The following RALYL variants were observed in gnomAD, a reference collection of about 807,000 sequenced individuals.
RALYL encodes RNA-binding Raly-like protein.
A neutral mutation model predicts 35.1 loss-of-function variants in RALYL; 29 were observed. The observed-to-expected ratio is 0.83, with a 90% CI of 0.61 to 1.13. The LOEUF is 1.13. Among genes scored for constraint, RALYL ranks in the 50% most tolerant of loss-of-function variants. The pLI is 0.00. For synonymous variants in RALYL, 120 were observed against 127.6 expected (o/e 0.94, Z 0.40); for missense variants, 359 against 360.4 (o/e 1.00, Z 0.03).
intron 1 of RALYL, among the ~76,000 whole-genome samples, chr8:84,318,877 T>C (rs962787776): frequency 6.6e-6 from 1 of 152,204 alleles, no homozygotes; most frequent in African/African-American, 2.4e-5. Flanking sequence ...AATGAAAGAT[T>C]ATTTATTAAT....
intron 2 of RALYL, among the ~76,000 whole-genome samples, chr8:84,772,948 G>C (rs867495205): frequency 1.3e-5 from 2 of 152,146 alleles, no homozygotes; most frequent in Middle Eastern, 3.4e-3. Context: ...TGAAGCATTA[G>C]GTATAATGTT....
At chr8:84,347,132 C>T (rs1849982326) in intron 1 of RALYL, among the ~76,000 whole-genome samples, 1 of 151,862 alleles carries the variant, frequency 6.6e-6, no homozygotes, top group African/African-American at 2.4e-5. Context: ...ACCTGGGAGG[C>T]AGAGGTTGCA....
intron 2 of RALYL, among the ~76,000 whole-genome samples, chr8:84,714,563 A>G (rs747659841): frequency 7.9e-5 from 12 of 151,924 alleles, no homozygotes; most frequent in Non-Finnish European, 1.6e-4. Context: ...GCAGTTTGAC[A>G]TGACTAAAGA....
intron 1 of RALYL, among the ~76,000 whole-genome samples, chr8:84,527,883 A>T (rs2059013835): frequency 6.6e-6 from 1 of 152,166 alleles, no homozygotes; most frequent in Non-Finnish European, 1.5e-5. Context: ...TTATAAGGAG[A>T]TATTTATAAT....
chr8:84,429,557 A>G (rs2046918808), intron 1 of RALYL, among the ~76,000 whole-genome samples: 1 of 152,068 alleles, frequency 6.6e-6, no homozygotes, highest in Non-Finnish European at 1.5e-5. Flanking sequence ...ACAGATACAT[A>G]TGCATCTCTA....
chr8:84,874,101 G>A (rs760138931), intron 7 of RALYL, among the ~76,000 whole-genome samples: 3 of 152,098 alleles, frequency 2.0e-5, no homozygotes, highest in Admixed American at 1.3e-4. Flanking sequence ...GGCTTTAGAC[G>A]CCTCAGAAGC....
chr8:84,833,043 T>C (rs1035745852), intron 4 of RALYL, among the ~76,000 whole-genome samples: 2 of 152,278 alleles, frequency 1.3e-5, no homozygotes, highest in Non-Finnish European at 2.9e-5. Flanking sequence ...CTTTCAAATA[T>C]TTAAAGTTAG....
intron 2 of RALYL, among the ~76,000 whole-genome samples, chr8:84,572,423 G>A (rs1252397685): frequency 6.6e-6 from 1 of 151,550 alleles, no homozygotes; most frequent in East Asian, 1.9e-4. Context: ...TTTTATGATG[G>A]TGAGTATTAT....
intron 1 of RALYL, among the ~76,000 whole-genome samples, chr8:84,188,388 A>G (rs1813038813): frequency 6.6e-6 from 1 of 152,070 alleles, no homozygotes; most frequent in African/African-American, 2.4e-5. Context: ...ACATGTTTAA[A>G]AAGGTCCTTA....
At chr8:84,854,884 C>A (rs187746830) in intron 5 of RALYL, among the ~76,000 whole-genome samples, 6 of 152,192 alleles carry the variant, frequency 3.9e-5, no homozygotes, top group African/African-American at 7.2e-5. Flanking sequence ...TGTCTGAGTC[C>A]ACAAGGAGAA....
intron 4 of RALYL, among the ~76,000 whole-genome samples, chr8:84,840,679 T>G (rs189614960): frequency 1.2e-3 from 190 of 152,102 alleles, no homozygotes; most frequent in Non-Finnish European, 1.7e-3. Flanking sequence ...ATTCACCAAA[T>G]TTGAAATGAA....
chr8:84,899,103 T>C (rs188474087), intron 8 of RALYL, among the ~76,000 whole-genome samples: 108 of 152,276 alleles, frequency 7.1e-4, no homozygotes, highest in Middle Eastern at 3.4e-3. Flanking sequence ...TGCATTTACA[T>C]ATGCTGTTCC....
At chr8:84,714,032 A>T (rs1057308417) in intron 2 of RALYL, among the ~76,000 whole-genome samples, 1 of 150,612 alleles carries the variant, frequency 6.6e-6, no homozygotes, top group South Asian at 2.1e-4. Context: ...ACACATACTC[A>T]CACACACACA....
chr8:84,424,011 T>A lies in RALYL; in HGVS notation c.-23-105288T>A, dbSNP rs1353587857. 7.9e-5 allele frequency among the ~76,000 whole-genome samples: 12 copies of A among 151,942 alleles called. No individual in the cohort carries two copies. In the East Asian group the frequency reaches 9.7e-4, roughly 12 times the overall value. ...TTTCCTTCATTTCAACTTTGGTGAA[T>A]CTGACAATTATGTGTCTTGGAGTTG... On this transcript the variant is annotated intron_variant, in intron 1 of 8. Coordinates refer to ENST00000521268, the MANE Select transcript of RALYL (RefSeq NM_173848.7).
chr8:84,196,990 G>T (rs548174352), intron 1 of RALYL, among the ~76,000 whole-genome samples: 12 of 152,294 alleles, frequency 7.9e-5, no homozygotes, highest in Admixed American at 6.5e-4. Flanking sequence ...GCAATTGTCA[G>T]AAATTGGTAA....
At chr8:84,306,963 C>A (rs2132455430) in intron 1 of RALYL, among the ~76,000 whole-genome samples, 1 of 152,168 alleles carries the variant, frequency 6.6e-6, no homozygotes, top group South Asian at 2.1e-4. Flanking sequence ...CAAAAGCTCT[C>A]AAATTCCTTC....
At chr8:84,613,195 T>C (rs1019869479) in intron 2 of RALYL, among the ~76,000 whole-genome samples, 2 of 151,666 alleles carry the variant, frequency 1.3e-5, no homozygotes, top group African/African-American at 4.9e-5. Context: ...GTCTGAGACC[T>C]GAAAGCCTCA....
intron 4 of RALYL, among the ~76,000 whole-genome samples, chr8:84,837,547 T>C (rs1000533689): frequency 6.6e-6 from 1 of 152,180 alleles, no homozygotes; most frequent in Non-Finnish European, 1.5e-5. Flanking sequence ...AGGGATTAGA[T>C]AAAATTGATT....
intron 1 of RALYL, among the ~76,000 whole-genome samples, chr8:84,255,176 A>G (rs1270321348): frequency 6.6e-6 from 1 of 152,158 alleles, no homozygotes; most frequent in Non-Finnish European, 1.5e-5. Context: ...TATTTGCAGA[A>G]TAATTTGTAT....
Sources: allele counts gnomAD v4.1 joint callset (sites outside exome capture counted in the v4.1 genomes callset), GRCh38; gene constraint gnomAD v4.1.1; transcripts MANE v1.5; gene names NCBI Gene and HGNC (gene_info 2026-07-23, HGNC 2026-07-21).